ATRNL1: variants seen among roughly 807,000 people sequenced by gnomAD.
The protein encoded by ATRNL1 is attractin like 1, also known as attractin-like protein 1.
In ATRNL1, 95 loss-of-function variants were observed where a neutral mutation model predicts 182.7. The observed-to-expected ratio is 0.52, with a 90% CI of 0.44 to 0.62. The LOEUF (loss-of-function observed/expected upper bound fraction) is 0.62. Among genes scored for constraint, ATRNL1 ranks in the 20% least tolerant of loss-of-function variants. The pLI is 0.00. For missense variants in ATRNL1, 1,471 were observed against 1,679.5 expected (o/e 0.88, Z 2.17); for synonymous variants, 576 against 568.3 (o/e 1.01, Z -0.19).
chr10:115,948,718 G>C lies in ATRNL1; in HGVS notation c.*3939G>C, dbSNP rs1953928365. The C allele has an allele frequency of 6.6e-6, 1 of 151,966 alleles. No homozygotes were observed. Among genetic ancestry groups the C allele is most frequent in the Admixed American group, 6.5e-5 (1 of 15,276 alleles). 9.4% of individuals were successfully genotyped at this position (151,966 alleles called of 1,614,324 possible). On this transcript the variant is annotated 3_prime_UTR_variant, in exon 29 of 29. Transcript: ENST00000355044. ...TTACTCTAATTCAAAATGCTTTAAA[G>C]AATTTTCCAAGGAATACAAGCCATC...
At chr10:115,342,832 C>T (rs1554938776) in intron 19 of ATRNL1, among the ~76,000 whole-genome samples, 2 of 151,874 alleles carry the variant, frequency 1.3e-5, no homozygotes, top group Admixed American at 6.6e-5. Context: ...TTTATTTCTC[C>T]TTCATGTTTG....
chr10:115,789,881 G>C (rs1391633747), intron 27 of ATRNL1, among the ~76,000 whole-genome samples: 1 of 152,016 alleles, frequency 6.6e-6, no homozygotes, highest in Non-Finnish European at 1.5e-5. Context: ...TTCTGGAAAA[G>C]GGTATCCAAC....
At chr10:115,497,800 G>A (rs1849626613) in intron 24 of ATRNL1, among the ~76,000 whole-genome samples, 2 of 152,056 alleles carry the variant, frequency 1.3e-5, no homozygotes, top group South Asian at 4.2e-4. Flanking sequence ...TGTGATTAGG[G>A]GCATGTGCCA....
intron 10 of ATRNL1, among the ~76,000 whole-genome samples, chr10:115,242,550 A>G (rs1331897174): frequency 6.6e-6 from 1 of 152,040 alleles, no homozygotes; most frequent in Non-Finnish European, 1.5e-5. Context: ...TGAAGCGATT[A>G]GGAAACATTT....
At chr10:115,359,637 A>G (rs1308786852) in intron 19 of ATRNL1, among the ~76,000 whole-genome samples, 4 of 151,570 alleles carry the variant, frequency 2.6e-5, no homozygotes, top group African/African-American at 7.3e-5. Context: ...ATAATGCAAT[A>G]TTTTATATAT....
chr10:115,241,492 T>C (rs550358156), intron 9 of ATRNL1, 79 bp from the exon 10 acceptor site: 27 of 955,244 alleles, frequency 2.8e-5, no homozygotes, highest in Non-Finnish European at 4.0e-5. Context: ...ATATGCAAAG[T>C]AGACCCTTTA....
At chr10:115,570,759 C>G (rs1555003216) in intron 26 of ATRNL1, among the ~76,000 whole-genome samples, 1 of 152,148 alleles carries the variant, frequency 6.6e-6, no homozygotes, top group Non-Finnish European at 1.5e-5. Flanking sequence ...CTCTTTGGAG[C>G]TTACTAATGA....
chr10:115,157,228 G>A (rs568738682), intron 5 of ATRNL1, among the ~76,000 whole-genome samples: 14 of 151,896 alleles, frequency 9.2e-5, no homozygotes, highest in African/African-American at 3.4e-4. Context: ...TTCAGTATCA[G>A]AAAAAAAATT....
At chr10:115,113,073 A>G (rs1844326631) in intron 1 of ATRNL1, among the ~76,000 whole-genome samples, 2 of 152,302 alleles carry the variant, frequency 1.3e-5, no homozygotes, top group Non-Finnish European at 2.9e-5. Flanking sequence ...AATCAAAGCA[A>G]TGGCTACCAG....
intron 19 of ATRNL1, among the ~76,000 whole-genome samples, chr10:115,353,485 A>G (rs992036958): frequency 2.6e-5 from 4 of 152,154 alleles, no homozygotes; most frequent in Non-Finnish European, 5.9e-5. Flanking sequence ...TCTTATGGGC[A>G]GCATATATTT....
intron 27 of ATRNL1, among the ~76,000 whole-genome samples, chr10:115,815,171 C>T (rs1318977316): frequency 6.6e-6 from 1 of 152,106 alleles, no homozygotes; most frequent in African/African-American, 2.4e-5. Flanking sequence ...TTATTTCAGG[C>T]TTAACTTATT....
chr10:115,558,269 A>G (rs1853445015), intron 26 of ATRNL1, among the ~76,000 whole-genome samples: 3 of 152,162 alleles, frequency 2.0e-5, no homozygotes, highest in Non-Finnish European at 4.4e-5. Flanking sequence ...TATTAAAGAG[A>G]GAAAGCACTC....
chr10:115,244,416 C>T (rs1850544778), intron 10 of ATRNL1, among the ~76,000 whole-genome samples: 1 of 151,910 alleles, frequency 6.6e-6, no homozygotes, highest in Non-Finnish European at 1.5e-5. Flanking sequence ...ATGCTCATAC[C>T]TTGGCATCCT....
At chr10:115,697,832 G>C (rs1448159467) in intron 26 of ATRNL1, among the ~76,000 whole-genome samples, 4 of 152,028 alleles carry the variant, frequency 2.6e-5, no homozygotes, top group Non-Finnish European at 1.5e-5. Context: ...TTTTGACCGT[G>C]TCTTTGCTAC....
chr10:115,476,824 T>A (rs1315261746), intron 24 of ATRNL1, among the ~76,000 whole-genome samples: 1 of 151,430 alleles, frequency 6.6e-6, no homozygotes, highest in African/African-American at 2.4e-5. Context: ...CCCTTATACC[T>A]AACTACTAGA....
rs112761617 is a variant in ATRNL1 at position 115,545,157 on chromosome 10, C to T, written c.3717-4301C>T. On this transcript the variant is annotated intron_variant, in intron 25 of 28. Coordinates refer to ENST00000355044, the MANE Select transcript of ATRNL1 (RefSeq NM_207303.4). Reference sequence around the variant, plus strand: ...GGCTGAGGCAGGAGAATGGCGTGAACCCGGGAGGCGGAGCTTGCACTGAGC... The same window carrying T: ...GGCTGAGGCAGGAGAATGGCGTGAATCCGGGAGGCGGAGCTTGCACTGAGC... Among the ~76,000 whole-genome samples, 128 of 148,664 alleles carry T rather than the reference C, an allele frequency of 8.6e-4. 1 individual carries two copies. The highest frequency in any genetic ancestry group is 2.9e-3 in the African/African-American group (115 of 40,162).
At chr10:115,345,976 C>T (rs1855957554) in intron 19 of ATRNL1, among the ~76,000 whole-genome samples, 1 of 152,094 alleles carries the variant, frequency 6.6e-6, no homozygotes, top group Admixed American at 6.6e-5. Flanking sequence ...TTTCCATTTC[C>T]TTAATGATTA....
intron 26 of ATRNL1, among the ~76,000 whole-genome samples, chr10:115,644,781 T>A (rs74161621): frequency 0.012 from 1,798 of 152,288 alleles, 36 homozygotes; most frequent in African/African-American, 0.041. Flanking sequence ...TTGCAGTAAT[T>A]ATAAAACTAC....
intron 28 of ATRNL1, among the ~76,000 whole-genome samples, chr10:115,895,036 AAAACTG>A (rs1219121286): frequency 6.6e-5 from 10 of 152,360 alleles, no homozygotes; most frequent in Admixed American, 5.2e-4. Context: ...AATAATGATC[AAAACTG>A]AAGTATGCTG....
Sources: allele counts gnomAD v4.1 joint callset (sites outside exome capture counted in the v4.1 genomes callset), GRCh38; gene constraint gnomAD v4.1.1; transcripts MANE v1.5; gene names NCBI Gene and HGNC (gene_info 2026-07-23, HGNC 2026-07-21).